CLMP: variants seen among roughly 807,000 people sequenced by gnomAD.
CLMP encodes CXADR-like membrane protein.
In CLMP, 27 loss-of-function variants were observed where a neutral mutation model predicts 45.2. That is an observed-to-expected ratio of 0.60 (90% CI 0.44 to 0.82). The LOEUF (loss-of-function observed/expected upper bound fraction) is 0.82. CLMP is among the 40% of genes least tolerant of loss of function. CLMP has a pLI of 0.00. For missense variants in CLMP, 403 were observed against 448.4 expected (o/e 0.90, Z 0.91); for synonymous variants, 167 against 171.4 (o/e 0.97, Z 0.20).
intron 1 of CLMP, among the ~76,000 whole-genome samples, chr11:123,139,827 AAATAAAATAAAATAG>A (rs1398783323): frequency 1.3e-5 from 2 of 151,808 alleles, no homozygotes; most frequent in African/African-American, 2.4e-5. Flanking sequence ...AAATAAAGTA[AAATAAAATAAAATAG>A]AATAAAATAA....
chr11:123,179,687 C>G (rs1274936870), intron 1 of CLMP, among the ~76,000 whole-genome samples: 7 of 152,200 alleles, frequency 4.6e-5, no homozygotes. Flanking sequence ...GGCCAGTGTC[C>G]TGGGCCCCCT....
chr11:123,085,541 G>A (rs116076860), intron 2 of CLMP, among the ~76,000 whole-genome samples: 12,733 of 146,372 alleles, frequency 0.087, 1,174 homozygotes, highest in African/African-American at 0.23. Context: ...GAGCCACCAC[G>A]CCTGGCCTGC....
chr11:123,118,934 TTTCTTTCTTTCTTTCTTTC>T (rs1358797866), intron 1 of CLMP, among the ~76,000 whole-genome samples: 293 of 28,102 alleles, frequency 0.01, 14 homozygotes, highest in Middle Eastern at 0.029. Context: ...TTTTCTTTTC[TTTCTTTCTTTCTTTCTTTC>T]TTTCTTTCTT....
intron 1 of CLMP, among the ~76,000 whole-genome samples, chr11:123,123,923 G>A (rs779681523): frequency 1.6e-4 from 25 of 152,252 alleles, no homozygotes; most frequent in Non-Finnish European, 3.4e-4. Flanking sequence ...GACAAATGGA[G>A]GGAAAATGCA....
chr11:123,141,247 C>T (rs1461601540), intron 1 of CLMP, among the ~76,000 whole-genome samples: 3 of 91,944 alleles, frequency 3.3e-5, no homozygotes, highest in East Asian at 7.1e-4. Flanking sequence ...TGCAGTGATA[C>T]GATCTCGGCT....
At chr11:123,120,990 G>A (rs1275503781) in intron 1 of CLMP, among the ~76,000 whole-genome samples, 5 of 151,824 alleles carry the variant, frequency 3.3e-5, no homozygotes, top group Non-Finnish European at 7.4e-5. Context: ...GCTGGGCATG[G>A]TGTGGCAGGA....
At chr11:123,128,249 A>C (rs973394629) in intron 1 of CLMP, among the ~76,000 whole-genome samples, 3 of 151,548 alleles carry the variant, frequency 2.0e-5, no homozygotes, top group Admixed American at 6.6e-5. Flanking sequence ...GAAAAAAAAA[A>C]AACAACTCAG....
intron 1 of CLMP, among the ~76,000 whole-genome samples, chr11:123,153,156 G>C (rs1861364114): frequency 2.0e-5 from 3 of 152,182 alleles, no homozygotes; most frequent in Non-Finnish European, 1.5e-5. Flanking sequence ...GAACTCCCAA[G>C]GTTTCCGGGT....
At chr11:123,149,899 C>T (rs998452180) in intron 1 of CLMP, among the ~76,000 whole-genome samples, 15 of 151,864 alleles carry the variant, frequency 9.9e-5, no homozygotes, top group African/African-American at 3.6e-4. Flanking sequence ...GCAACCTCCG[C>T]TCCCGGGTTT....
intron 2 of CLMP, among the ~76,000 whole-genome samples, chr11:123,089,185 G>A (rs1476801308): frequency 6.6e-6 from 1 of 151,282 alleles, no homozygotes; most frequent in Non-Finnish European, 1.5e-5. Flanking sequence ...AGGAGTTCCA[G>A]ACGAGCTTGG....
At chr11:123,122,452 A>G (rs958280770) in intron 1 of CLMP, among the ~76,000 whole-genome samples, 1 of 152,172 alleles carries the variant, frequency 6.6e-6, no homozygotes, top group African/African-American at 2.4e-5. Context: ...TTGGCTCTCT[A>G]ACCCTGGGAC....
chr11:123,187,058 G>A (rs1468733470), intron 1 of CLMP, among the ~76,000 whole-genome samples: 1 of 152,192 alleles, frequency 6.6e-6, no homozygotes, highest in East Asian at 1.9e-4. Flanking sequence ...GTACCAAGCA[G>A]AGCGTTAAAA....
intron 2 of CLMP, among the ~76,000 whole-genome samples, chr11:123,095,548 G>A (rs1387622743): frequency 1.3e-5 from 2 of 152,154 alleles, no homozygotes; most frequent in Non-Finnish European, 2.9e-5. Flanking sequence ...GGGATTACAG[G>A]TGTGAGCCAC....
At chr11:123,180,410 C>T (rs962963470) in intron 1 of CLMP, among the ~76,000 whole-genome samples, 2 of 152,098 alleles carry the variant, frequency 1.3e-5, no homozygotes, top group Non-Finnish European at 2.9e-5. Flanking sequence ...AGCTCCCTTA[C>T]CCCTTCCACC....
In CLMP at chr11:123,142,820, G is replaced by A. The variant is rs1861183197; in HGVS notation, c.29-44868C>T. On this transcript the variant is annotated intron_variant, in intron 1 of 6. Transcript: ENST00000448775. ...TTTTTGTATTTTTAGTAGAGACGGGGTTTCACCTTGTTAGCCAGGATGGTC... is the reference window on the plus strand; with the variant it reads ...TTTTTGTATTTTTAGTAGAGACGGGATTTCACCTTGTTAGCCAGGATGGTC... 2.0e-5 allele frequency among the ~76,000 whole-genome samples: 3 copies of A among 149,302 alleles called. No homozygotes were observed. In the South Asian group the frequency reaches 6.5e-4, roughly 32 times the overall value.
At chr11:123,194,125 C>T (rs1861945928) in intron 1 of CLMP, among the ~76,000 whole-genome samples, 1 of 152,068 alleles carries the variant, frequency 6.6e-6, no homozygotes, top group South Asian at 2.1e-4. Context: ...CTGCCTCTGC[C>T]TCAGGGCCTC....
intron 1 of CLMP, among the ~76,000 whole-genome samples, chr11:123,171,513 A>T (rs1861632882): frequency 7.1e-6 from 1 of 140,096 alleles, no homozygotes; most frequent in Admixed American, 8.0e-5. Context: ...GTGTGATCTT[A>T]GCTCACTGCG....
At chr11:123,186,104 G>C (rs921483242) in intron 1 of CLMP, among the ~76,000 whole-genome samples, 1 of 152,154 alleles carries the variant, frequency 6.6e-6, no homozygotes, top group African/African-American at 2.4e-5. Flanking sequence ...GCTCGCGTCT[G>C]CTGTTTTGCT....
chr11:123,073,441 C>G lies in CLMP; in HGVS notation c.*33G>C, dbSNP rs773154275. ...GAGAAGAGTCCAAAGACCCTGACTC[C>G]TAGGAAAGCGTGGGAGTCAAGTCCA... is the stretch of plus-strand genomic sequence containing the variant. On this transcript the variant is annotated 3_prime_UTR_variant, in exon 7 of 7. Transcript: ENST00000448775. 6.4e-7 allele frequency: 1 copy of G among 1,569,066 alleles called. No individual in the cohort carries two copies. The highest frequency in any genetic ancestry group is 8.6e-7 in the Non-Finnish European group (1 of 1,156,948).
Sources: allele counts gnomAD v4.1 joint callset (sites outside exome capture counted in the v4.1 genomes callset), GRCh38; gene constraint gnomAD v4.1.1; transcripts MANE v1.5; gene names NCBI Gene and HGNC (gene_info 2026-07-23, HGNC 2026-07-21).